Variants in B4GALT6 observed in about 807,000 individuals in gnomAD.
The protein encoded by B4GALT6 is UDP-Gal:beta-GlcNAc beta-1,4-galactosyltransferase 6.
B4GALT6 carries 14 observed loss-of-function variants against 46.3 expected under a neutral mutation model. The ratio of observed to expected loss-of-function variants is 0.30; its 90% confidence interval spans 0.20 to 0.47. The LOEUF is 0.47. Ranked by LOEUF, B4GALT6 falls within the 20% of genes least tolerant of loss-of-function variation. B4GALT6 has a pLI of 0.99. For synonymous variants in B4GALT6, 168 were observed against 162.0 expected (o/e 1.04, Z -0.28); for missense variants, 386 against 480.1 (o/e 0.80, Z 1.83).
At chr18:31,671,141 T>C (rs1200575622) in intron 1 of B4GALT6, among the ~76,000 whole-genome samples, 2 of 152,234 alleles carry the variant, frequency 1.3e-5, no homozygotes, top group African/African-American at 2.4e-5. Flanking sequence ...TAATCCAGTC[T>C]ATCACTGATA....
At chr18:31,652,065 C>T (rs1336795709) in intron 3 of B4GALT6, among the ~76,000 whole-genome samples, 1 of 152,118 alleles carries the variant, frequency 6.6e-6, no homozygotes, top group Non-Finnish European at 1.5e-5. Flanking sequence ...CCACGGCGCC[C>T]GGCCTCTTCT....
In B4GALT6 at chr18:31,670,617, G is replaced by A. The variant is rs1598922010; in HGVS notation, c.116-4245C>T. Among the ~76,000 whole-genome samples, 8 of 152,238 alleles carry A rather than the reference G, an allele frequency of 5.3e-5. No individual in the cohort carries two copies. In the East Asian group the frequency reaches 7.7e-4, roughly 15 times the overall value. The stretch of plus-strand genomic sequence containing the variant: ...TTTAAACAGAAAGTGGCTGTTAACC[G>A]GAAGAAAGTGCTATGTCACAGGGTT... On this transcript the variant is annotated intron_variant, in intron 1 of 8. Transcript: ENST00000306851.
intron 2 of B4GALT6, among the ~76,000 whole-genome samples, chr18:31,659,434 C>A (rs1209266510): frequency 6.6e-6 from 1 of 152,140 alleles, no homozygotes; most frequent in Non-Finnish European, 1.5e-5. Flanking sequence ...ACGCCACCTG[C>A]AAGACTGCTG....
At chr18:31,662,407 T>G (rs1042437900) in intron 2 of B4GALT6, among the ~76,000 whole-genome samples, 5 of 152,196 alleles carry the variant, frequency 3.3e-5, no homozygotes. Context: ...AATATCTCTT[T>G]TAATTGAAAT....
At chr18:31,679,921 G>A (rs555937109) in intron 1 of B4GALT6, among the ~76,000 whole-genome samples, 3 of 152,202 alleles carry the variant, frequency 2.0e-5, no homozygotes, top group African/African-American at 7.2e-5. Flanking sequence ...TACCAACCTC[G>A]ACAGTTCTAA....
intron 1 of B4GALT6, among the ~76,000 whole-genome samples, chr18:31,683,646 C>T (rs1441248181): frequency 6.6e-6 from 1 of 152,062 alleles, no homozygotes; most frequent in Non-Finnish European, 1.5e-5. Context: ...CTACAAGTTC[C>T]CTTAGATAAC....
chr18:31,675,657 A>G (rs2074406555), intron 1 of B4GALT6, among the ~76,000 whole-genome samples: 1 of 152,220 alleles, frequency 6.6e-6, no homozygotes, highest in African/African-American at 2.4e-5. Context: ...AAGTGGAATC[A>G]GGAGGAAATG....
At chr18:31,678,785 T>G (rs1018484216) in intron 1 of B4GALT6, among the ~76,000 whole-genome samples, 2 of 152,202 alleles carry the variant, frequency 1.3e-5, no homozygotes, top group African/African-American at 4.8e-5. Flanking sequence ...AACCAATGCT[T>G]CTATGCCCAA....
At chr18:31,700,433 A>ATT in the B4GALT6 span, among the ~76,000 whole-genome samples, 1 of 68,080 alleles carries the variant, frequency 1.5e-5, no homozygotes, top group Non-Finnish European at 3.6e-5. Context: ...AAAATTGACT[A>ATT]TTTGTGTGTG....
At position 31,645,627 on chromosome 18, in the gene B4GALT6, G is replaced by A. The variant is rs547780069; in HGVS notation, c.347-148C>T. ...TTACCACCACAAAATTATGAATAGC[G>A]CTCCCTTTCACTTTTAGTTTCAATG... On this transcript the variant is annotated intron_variant, in intron 3 of 8. Transcript: ENST00000306851. The A allele has an allele frequency of 1.1e-4, 77 of 683,664 alleles. No homozygotes were observed. The East Asian group carries it at 1.1e-3, about 10-fold the overall frequency. 42.3% of individuals were successfully genotyped at this position (683,664 alleles called of 1,614,324 possible).
At chr18:31,664,398 T>C (rs557415558) in intron 2 of B4GALT6, among the ~76,000 whole-genome samples, 1 of 152,340 alleles carries the variant, frequency 6.6e-6, no homozygotes, top group East Asian at 1.9e-4. Context: ...AGAACAGTTT[T>C]ACCATTAGTA....
At chr18:31,678,419 C>T (rs898109612) in intron 1 of B4GALT6, among the ~76,000 whole-genome samples, 17 of 152,048 alleles carry the variant, frequency 1.1e-4, no homozygotes, top group East Asian at 5.8e-4. Flanking sequence ...AAAATTTCAT[C>T]GCTCGTCTAT....
chr18:31,659,949 CT>C (rs35690268), intron 2 of B4GALT6, among the ~76,000 whole-genome samples: 19,409 of 122,662 alleles, frequency 0.16, 1,517 homozygotes, highest in African/African-American at 0.32. Context: ...GATTCTTTTC[CT>C]TTTTTTTTTT....
In B4GALT6 at chr18:31,645,273, GTC is replaced by G. The variant is rs2073978114; in HGVS notation, c.471+80_471+81del. On this transcript the variant is annotated intron_variant, in intron 4 of 8. Coordinates refer to ENST00000306851, the MANE Select transcript of B4GALT6 (RefSeq NM_004775.5). ...AATTTATCAAGACTTAAAGACATTT[GTC>G]TCTGTATTCTGAATCAAGCACATTC... 5 of 1,543,572 alleles carry G rather than the reference GTC, an allele frequency of 3.2e-6. No individual in the cohort carries two copies. The African/African-American group carries it at 5.6e-5, about 17-fold the overall frequency.
chr18:31,704,394 G>C, the B4GALT6 span, among the ~76,000 whole-genome samples: 1 of 151,892 alleles, frequency 6.6e-6, no homozygotes, highest in Non-Finnish European at 1.5e-5. Context: ...TGTATTTTTA[G>C]TAGAGATGGG....
At chr18:31,676,575 T>C (rs537519932) in intron 1 of B4GALT6, among the ~76,000 whole-genome samples, 1 of 152,202 alleles carries the variant, frequency 6.6e-6, no homozygotes, top group Non-Finnish European at 1.5e-5. Flanking sequence ...TATCCGTCCA[T>C]TTCTCTTCTG....
chr18:31,645,243 T>C, intron 4 of B4GALT6, 112 bp downstream of exon 4: 5 of 1,445,386 alleles, frequency 3.5e-6, no homozygotes, highest in Non-Finnish European at 3.8e-6. Flanking sequence ...ACTTTTGATG[T>C]TTTAAATTTA....
At chr18:31,708,170 G>A in the B4GALT6 span, among the ~76,000 whole-genome samples, 2 of 152,154 alleles carry the variant, frequency 1.3e-5, no homozygotes, top group Non-Finnish European at 2.9e-5. Context: ...CATATTTTTA[G>A]GAGTGTTTGG....
At chr18:31,664,162 C>CCAAGATGGCACCCA (rs2074254870) in intron 2 of B4GALT6, among the ~76,000 whole-genome samples, 1 of 152,012 alleles carries the variant, frequency 6.6e-6, no homozygotes, top group Admixed American at 6.5e-5. Flanking sequence ...CAAGTTCAAA[C>CCAAGATGGCACCCA]AGCAGCCATC....
Sources: allele counts gnomAD v4.1 joint callset (sites outside exome capture counted in the v4.1 genomes callset), GRCh38; gene constraint gnomAD v4.1.1; transcripts MANE v1.5; gene names NCBI Gene and HGNC (gene_info 2026-07-23, HGNC 2026-07-21).